Variants in CLSTN2 observed in about 807,000 individuals in gnomAD.
The protein encoded by CLSTN2 is calsyntenin 2, also known as calsyntenin-2.
A neutral mutation model predicts 101.2 loss-of-function variants in CLSTN2; 48 were observed. That is an observed-to-expected ratio of 0.47 (90% CI 0.38 to 0.60). CLSTN2 has a LOEUF of 0.60. Ranked by LOEUF, CLSTN2 falls within the 20% of genes least tolerant of loss-of-function variation. The pLI, the probability that CLSTN2 is intolerant of heterozygous loss-of-function variation, is 0.00. For missense variants in CLSTN2, 1,160 were observed against 1,238.2 expected (o/e 0.94, Z 0.95); for synonymous variants, 481 against 463.6 (o/e 1.04, Z -0.48).
rs147125154 is a variant in CLSTN2, at chr3:140,210,376, C to T, written c.232+34303C>T. Among the ~76,000 whole-genome samples the T allele has an allele frequency of 2.4e-3, 364 of 152,218 alleles. 2 individuals are homozygous for T. The highest frequency in any genetic ancestry group is 7.4e-3 in the African/African-American group (308 of 41,520). Reference sequence around the variant, plus strand: ...TCAACTTGATAGAAGCAGCAGTAGCCGAGGCAGGCTGTACATCTGGATGCT... The same window carrying T: ...TCAACTTGATAGAAGCAGCAGTAGCTGAGGCAGGCTGTACATCTGGATGCT... On this transcript the variant is annotated intron_variant, in intron 2 of 16. Transcript: ENST00000458420.
chr3:140,372,836 CAGGAGGCCA>C (rs1309316565), intron 2 of CLSTN2, among the ~76,000 whole-genome samples: 1 of 152,138 alleles, frequency 6.6e-6, no homozygotes, highest in Non-Finnish European at 1.5e-5. Flanking sequence ...GTCAGCTCTT[CAGGAGGCCA>C]AGGTGGGAGG....
chr3:140,441,711 G>A (rs549374614), intron 5 of CLSTN2, among the ~76,000 whole-genome samples: 1 of 152,290 alleles, frequency 6.6e-6, no homozygotes, highest in South Asian at 2.1e-4. Context: ...CGCAGAGAGA[G>A]GAGAGAAGGC....
At chr3:140,205,618 G>GCCGCC in intron 2 of CLSTN2, among the ~76,000 whole-genome samples, 1 of 67,226 alleles carries the variant, frequency 1.5e-5, no homozygotes, top group Non-Finnish European at 3.7e-5. Context: ...GACCTGACCC[G>GCCGCC]CCCCCCACCC....
intron 15 of CLSTN2, 111 bp downstream of exon 15, chr3:140,563,314 G>A (rs1298119024): frequency 1.6e-6 from 2 of 1,262,712 alleles, no homozygotes; most frequent in South Asian, 1.4e-5. Flanking sequence ...CAGAACTGAG[G>A]GAGGGAACCC....
At chr3:140,091,099 C>A (rs895931951) in intron 1 of CLSTN2, among the ~76,000 whole-genome samples, 3 of 152,092 alleles carry the variant, frequency 2.0e-5, no homozygotes, top group African/African-American at 7.2e-5. Flanking sequence ...GTCACCATTT[C>A]TTTATTTTAA....
chr3:140,101,288 T>C (rs905227083), intron 1 of CLSTN2, among the ~76,000 whole-genome samples: 7 of 152,208 alleles, frequency 4.6e-5, no homozygotes, highest in Admixed American at 4.6e-4. Flanking sequence ...GACTTACCCA[T>C]TATTATTTTA....
intron 1 of CLSTN2, among the ~76,000 whole-genome samples, chr3:140,052,312 C>A (rs540768847): frequency 6.6e-6 from 1 of 152,130 alleles, no homozygotes; most frequent in Non-Finnish European, 1.5e-5. Context: ...GCGCACGCCA[C>A]CAAAACCAGC....
intron 2 of CLSTN2, among the ~76,000 whole-genome samples, chr3:140,245,733 C>T (rs1244635318): frequency 6.6e-6 from 1 of 152,176 alleles, no homozygotes; most frequent in African/African-American, 2.4e-5. Context: ...AGATCTTTCC[C>T]TTCTCTAAAG....
At chr3:140,178,917 G>T (rs908687959) in intron 2 of CLSTN2, among the ~76,000 whole-genome samples, 4 of 151,992 alleles carry the variant, frequency 2.6e-5, no homozygotes, top group Non-Finnish European at 5.9e-5. Context: ...CAGGAGGTAG[G>T]CTCTAAGCTT....
chr3:140,562,423 AG>A (rs142036652), intron 13 of CLSTN2, 115 bp downstream of exon 13: 18,924 of 1,034,964 alleles, frequency 0.018, 278 homozygotes, highest in Non-Finnish European at 0.02. Flanking sequence ...CCCAGGGACC[AG>A]TTGGAGATCC....
At chr3:139,979,811 T>G (rs1290029897) in intron 1 of CLSTN2, among the ~76,000 whole-genome samples, 1 of 151,976 alleles carries the variant, frequency 6.6e-6, no homozygotes. Context: ...TTAGCCAGGA[T>G]TTATGTGCCA....
In CLSTN2 at chr3:139,935,765, G is replaced by GAA. The variant is rs1935009293; in HGVS notation, c.109+282_109+283insAA. ...CTTTGAGGGCTGTCTGTGCCGGGGT[G>GAA]GGAGCGCAGTGGGTGAGTTTCGAGC... On this transcript the variant is annotated intron_variant, in intron 1 of 16. Coordinates refer to ENST00000458420, the MANE Select transcript of CLSTN2 (RefSeq NM_022131.3). The surrounding 1 kb of genome is among the most constrained non-coding windows in gnomAD (Gnocchi z 5.5). Among the ~76,000 whole-genome samples, 1 of 152,046 alleles carries GAA rather than the reference G, an allele frequency of 6.6e-6. No individual in the cohort carries two copies. Among genetic ancestry groups the GAA allele is most frequent in the Non-Finnish European group, 1.5e-5 (1 of 67,986 alleles).
intron 1 of CLSTN2, among the ~76,000 whole-genome samples, chr3:140,141,083 C>G (rs74451536): frequency 0.023 from 3,462 of 152,294 alleles, 116 homozygotes; most frequent in African/African-American, 0.079. Context: ...GTTAGGAAAG[C>G]CTTCTTAGAT....
At chr3:140,163,886 G>T (rs2010090990) in intron 1 of CLSTN2, among the ~76,000 whole-genome samples, 1 of 151,744 alleles carries the variant, frequency 6.6e-6, no homozygotes, top group Non-Finnish European at 1.5e-5. Context: ...TAATGATTCT[G>T]GTTTGTCAAT....
intron 1 of CLSTN2, among the ~76,000 whole-genome samples, chr3:139,968,005 A>C (rs1488533555): frequency 6.6e-6 from 1 of 151,866 alleles, no homozygotes; most frequent in Non-Finnish European, 1.5e-5. Flanking sequence ...GTGTGTGTGC[A>C]TGTGTGTGTG....
intron 2 of CLSTN2, among the ~76,000 whole-genome samples, chr3:140,213,498 C>G (rs2010883209): frequency 6.6e-6 from 1 of 152,222 alleles, no homozygotes; most frequent in African/African-American, 2.4e-5. Context: ...CCCAGGCCTT[C>G]TCTGCTGATT....
At chr3:140,124,513 G>T (rs947613593) in intron 1 of CLSTN2, among the ~76,000 whole-genome samples, 1 of 152,162 alleles carries the variant, frequency 6.6e-6, no homozygotes, top group Non-Finnish European at 1.5e-5. Flanking sequence ...TGAAAGTAGA[G>T]CCATAGGCCT....
intron 1 of CLSTN2, among the ~76,000 whole-genome samples, chr3:140,093,187 AG>A (rs1453737683): frequency 6.6e-6 from 1 of 152,140 alleles, no homozygotes; most frequent in Non-Finnish European, 1.5e-5. Flanking sequence ...GCGGTGGGGC[AG>A]GGGTGTCGCC....
chr3:139,964,685 C>T (rs1269601422), intron 1 of CLSTN2, among the ~76,000 whole-genome samples: 1 of 152,078 alleles, frequency 6.6e-6, no homozygotes, highest in Admixed American at 6.5e-5. Context: ...GGTACATGAA[C>T]AATGAACATA....
Sources: allele counts gnomAD v4.1 joint callset (sites outside exome capture counted in the v4.1 genomes callset), GRCh38; gene constraint gnomAD v4.1.1; non-coding constraint Gnocchi (gnomAD v3.1); transcripts MANE v1.5; gene names NCBI Gene and HGNC (gene_info 2026-07-23, HGNC 2026-07-21).